IL1RAPL1: variants seen among roughly 807,000 people sequenced by gnomAD.
The protein encoded by IL1RAPL1 is interleukin 1 receptor accessory protein like 1.
A neutral mutation model predicts 48.4 loss-of-function variants in IL1RAPL1; 3 were observed. The observed-to-expected ratio is 0.06, with a 90% CI of 0.03 to 0.16. The LOEUF is 0.16. Ranked by LOEUF, IL1RAPL1 falls within the 10% of genes least tolerant of loss-of-function variation. The pLI is 1.00. For missense variants in IL1RAPL1, 349 were observed against 530.6 expected (o/e 0.66, Z 3.36); for synonymous variants, 185 against 187.7 (o/e 0.99, Z 0.12).
rs1161128687 is a variant in IL1RAPL1, at chrX:29,228,362, TGTGTGTGTGTGA to T, written c.83-54574_83-54563del. 4.8e-5 allele frequency among the ~76,000 whole-genome samples: 5 copies of T among 103,940 alleles called. No individual in the cohort carries two copies. The Admixed American group carries it at 5.1e-4, about 11-fold the overall frequency. The allele number at this position is 103,940 out of a possible 115,157, so 90.3% of individuals were successfully genotyped here. Reference sequence around the variant, plus strand: ...GTGTGTGTGTGTGTGTGTGTGTGTGTGTGTGTGTGTGAGACAGAGTCTCACCCTGTTACCCAG... The same window carrying T: ...GTGTGTGTGTGTGTGTGTGTGTGTGTGACAGAGTCTCACCCTGTTACCCAG... On this transcript the variant is annotated intron_variant, in intron 2 of 10. Coordinates refer to ENST00000378993, the MANE Select transcript of IL1RAPL1 (RefSeq NM_014271.4).
intron 5 of IL1RAPL1, among the ~76,000 whole-genome samples, chrX:29,615,114 T>C (rs1924245830): frequency 8.9e-6 from 1 of 112,298 alleles, no homozygotes; most frequent in African/African-American, 3.2e-5. Context: ...GATTACAGTT[T>C]ATTGTTTAAA....
chrX:28,638,574 T>C (rs1194650784), intron 1 of IL1RAPL1, among the ~76,000 whole-genome samples: 1 of 109,906 alleles, frequency 9.1e-6, no homozygotes, highest in African/African-American at 3.3e-5. Flanking sequence ...GAAAAATACA[T>C]GCTTAATGAT....
intron 6 of IL1RAPL1, among the ~76,000 whole-genome samples, chrX:29,711,389 G>T (rs2147120953): frequency 9.2e-6 from 1 of 109,047 alleles, no homozygotes; most frequent in South Asian, 4.1e-4. Context: ...CTCTATGTTG[G>T]TCAGGCTGGT....
chrX:29,708,165 A>G (rs1927251400), intron 6 of IL1RAPL1, among the ~76,000 whole-genome samples: 1 of 110,736 alleles, frequency 9.0e-6, no homozygotes, highest in South Asian at 3.8e-4. Flanking sequence ...CTATAATGGG[A>G]TGTTTTGATC....
At chrX:29,230,516 A>T (rs868752220) in intron 2 of IL1RAPL1, among the ~76,000 whole-genome samples, 2 of 91,964 alleles carry the variant, frequency 2.2e-5, no homozygotes, top group Non-Finnish European at 4.2e-5. Flanking sequence ...AAAAAAAAAA[A>T]AAAAAAAAAA....
At chrX:29,015,771 CAG>C (rs1926228213) in intron 2 of IL1RAPL1, among the ~76,000 whole-genome samples, 1 of 108,948 alleles carries the variant, frequency 9.2e-6, no homozygotes, top group Non-Finnish European at 1.9e-5. Context: ...CTATTGTACT[CAG>C]AAAAAAAAAG....
intron 1 of IL1RAPL1, among the ~76,000 whole-genome samples, chrX:28,678,369 A>G (rs761900090): frequency 3.5e-4 from 39 of 111,438 alleles, no homozygotes; most frequent in African/African-American, 1.3e-3. Flanking sequence ...GATTTGTTTA[A>G]AAATTGGCCC....
chrX:28,782,325 T>A (rs1254623245), intron 1 of IL1RAPL1, among the ~76,000 whole-genome samples: 1 of 111,977 alleles, frequency 8.9e-6, no homozygotes, highest in East Asian at 2.8e-4. Context: ...CATATTCCCA[T>A]TTTGGAAAAA....
At chrX:29,647,112 G>A (rs915564561) in intron 5 of IL1RAPL1, among the ~76,000 whole-genome samples, 3 of 112,383 alleles carry the variant, frequency 2.7e-5, no homozygotes, top group African/African-American at 9.7e-5. Flanking sequence ...CACTTTGGGA[G>A]GCTGAGGTGG....
intron 8 of IL1RAPL1, among the ~76,000 whole-genome samples, chrX:29,920,840 G>GAAAA (rs796830604): frequency 1.3e-5 from 1 of 74,838 alleles, no homozygotes. Context: ...AAAGAAAAGA[G>GAAAA]AAAAAAAAAA....
chrX:28,819,452 A>G lies in IL1RAPL1; in HGVS notation c.82+30027A>G, dbSNP rs780021709. ...AAAAATGTACTGAAGAATATGTCGT[A>G]ATATTAGCAAGATTTGCCTAAGCCT... On this transcript the variant is annotated intron_variant, in intron 2 of 10. Coordinates refer to ENST00000378993, the MANE Select transcript of IL1RAPL1 (RefSeq NM_014271.4). Among the ~76,000 whole-genome samples the G allele has an allele frequency of 4.5e-5, 5 of 111,178 alleles. No individual in the cohort carries two copies. The South Asian group carries it at 1.8e-3, about 41-fold the overall frequency.
intron 5 of IL1RAPL1, among the ~76,000 whole-genome samples, chrX:29,512,704 T>C (rs1330115595): frequency 1.8e-5 from 2 of 112,234 alleles, no homozygotes; most frequent in Non-Finnish European, 3.8e-5. Flanking sequence ...TATTTGTTAC[T>C]GAGTCTCTTC....
At chrX:29,408,891 A>T (rs1934107404) in intron 5 of IL1RAPL1, among the ~76,000 whole-genome samples, 1 of 111,810 alleles carries the variant, frequency 8.9e-6, no homozygotes, top group South Asian at 3.7e-4. Context: ...ATAGCAAGGC[A>T]TTGTAGTGTT....
chrX:28,796,836 G>T (rs1379050098), intron 2 of IL1RAPL1, among the ~76,000 whole-genome samples: 1 of 112,029 alleles, frequency 8.9e-6, no homozygotes, highest in Non-Finnish European at 1.9e-5. Flanking sequence ...TCTGTGCGGG[G>T]GCTCTGGCCC....
chrX:29,823,860 C>A (rs1930673481), intron 6 of IL1RAPL1, among the ~76,000 whole-genome samples: 1 of 111,520 alleles, frequency 9.0e-6, no homozygotes, highest in Non-Finnish European at 1.9e-5. Context: ...TTAAATTTTG[C>A]TCTGAAGAAC....
intron 6 of IL1RAPL1, among the ~76,000 whole-genome samples, chrX:29,702,416 C>G (rs1927077719): frequency 9.0e-6 from 1 of 111,202 alleles, no homozygotes; most frequent in African/African-American, 3.3e-5. Flanking sequence ...AAGTACCCAG[C>G]AGTGAAAGAT....
intron 3 of IL1RAPL1, among the ~76,000 whole-genome samples, chrX:29,324,242 A>T (rs1020618260): frequency 1.2e-4 from 13 of 111,414 alleles, no homozygotes; most frequent in Admixed American, 1.9e-4. Context: ...TAAGGGTCAC[A>T]GTTGACACCT....
chrX:28,948,157 T>C (rs758449659), intron 2 of IL1RAPL1, among the ~76,000 whole-genome samples: 2 of 111,420 alleles, frequency 1.8e-5, no homozygotes, highest in African/African-American at 3.3e-5. Flanking sequence ...GAATTCATAA[T>C]GCCTTCTTCA....
chrX:29,771,651 AAGAGAAAAATGC>A (rs1929068698), intron 6 of IL1RAPL1, among the ~76,000 whole-genome samples: 1 of 111,878 alleles, frequency 8.9e-6, no homozygotes, highest in African/African-American at 3.3e-5. Flanking sequence ...CTATATCTTT[AAGAGAAAAATGC>A]AGCACAGAAT....
Sources: allele counts gnomAD v4.1 joint callset (sites outside exome capture counted in the v4.1 genomes callset), GRCh38; gene constraint gnomAD v4.1.1; transcripts MANE v1.5; gene names NCBI Gene and HGNC (gene_info 2026-07-23, HGNC 2026-07-21).